APBA2: variants seen among roughly 807,000 people sequenced by gnomAD.
The protein encoded by APBA2 is amyloid-beta A4 precursor protein-binding family A member 2.
APBA2 carries 30 observed loss-of-function variants against 75.0 expected under a neutral mutation model. The ratio of observed to expected loss-of-function variants is 0.40; its 90% CI spans 0.30 to 0.54. The LOEUF (loss-of-function observed/expected upper bound fraction) is 0.54. Ranked by LOEUF, APBA2 falls within the 20% of genes least tolerant of loss-of-function variation. APBA2 has a pLI of 0.49. For synonymous variants in APBA2, 444 were observed against 409.6 expected (o/e 1.08, Z -1.01); for missense variants, 801 against 1,016.1 (o/e 0.79, Z 2.88).
intron 8 of APBA2, among the ~76,000 whole-genome samples, chr15:29,095,170 G>C (rs528225207): frequency 6.6e-6 from 1 of 152,228 alleles, no homozygotes; most frequent in Non-Finnish European, 1.5e-5. Context: ...GCTCACGCCT[G>C]TAATCCCAGC....
chr15:28,904,339 T>C (rs1199814441), intron 1 of APBA2, among the ~76,000 whole-genome samples: 1 of 152,204 alleles, frequency 6.6e-6, no homozygotes, highest in Non-Finnish European at 1.5e-5. Context: ...GCCATACGAG[T>C]TTGTCCTTTC....
In APBA2 at chr15:29,054,253, C is replaced by T. The variant is rs1566951119; in HGVS notation, c.369C>T (p.Ala123=). The change falls in exon 4 of 15, where the codon GCC becomes GCT. Residue 123 remains alanine (A), a synonymous_variant. Transcript: ENST00000683413. The surrounding 1 kb of genome is among the most constrained non-coding windows in gnomAD (Gnocchi z 6.1). ...GMDCNGEEYL[A]HSAHPVDTDE... The stretch of plus-strand genomic sequence containing the variant: ...ACTGCAACGGGGAGGAGTACCTGGC[C>T]CACAGTGCACACCCTGTGGACACTG... 1 of 1,614,116 alleles carries T rather than the reference C, an allele frequency of 6.2e-7. No individual in the cohort carries two copies.
At position 28,960,840 on chromosome 15, in the gene APBA2, A is replaced by G. The variant is rs568410824; in HGVS notation, c.-94-34913A>G. ...AGTGGTGTGATCTCGGCTCGCCGCA[A>G]CCTCCGCCTCCCAGGTTCAAATGAT... On this transcript the variant is annotated intron_variant, in intron 2 of 14. Transcript: ENST00000683413. Among the ~76,000 whole-genome samples the G allele has an allele frequency of 2.0e-5, 3 of 146,528 alleles. No individual in the cohort carries two copies. In the South Asian group the frequency reaches 6.8e-4, roughly 33 times the overall value.
rs376653540 is a variant in APBA2 at position 29,106,571 on chromosome 15, C to T, written c.1705-36C>T. On this transcript the variant is annotated intron_variant, in intron 11 of 14. Coordinates refer to ENST00000683413, the MANE Select transcript of APBA2 (RefSeq NM_001353788.2). ...TCCTTGGCAGAGGCCTCGGTCCTTG[C>T]CGCCAGCCCCTCTCACACTGCTGAT... The T allele has an allele frequency of 6.2e-6, 10 of 1,610,788 alleles. No individual in the cohort carries two copies. In the African/African-American group the frequency reaches 1.3e-4, roughly 22 times the overall value.
At chr15:28,939,256 T>G (rs375516313) in intron 2 of APBA2, among the ~76,000 whole-genome samples, 2 of 152,232 alleles carry the variant, frequency 1.3e-5, no homozygotes, top group South Asian at 2.1e-4. Flanking sequence ...GATCTGTTCT[T>G]CTGCTGCTGG....
chr15:29,032,516 G>A (rs1055006831), intron 3 of APBA2, among the ~76,000 whole-genome samples: 2 of 152,196 alleles, frequency 1.3e-5, no homozygotes, highest in African/African-American at 4.8e-5. Flanking sequence ...CCAATTCCTT[G>A]AAATAAATCT....
intron 3 of APBA2, among the ~76,000 whole-genome samples, chr15:29,025,131 T>G (rs1336428187): frequency 8.4e-6 from 1 of 119,528 alleles, no homozygotes; most frequent in Non-Finnish European, 1.5e-5. Context: ...CGTGGTTGTC[T>G]CATTAGCAAC....
chr15:29,115,665 G>T (rs933037527), intron 14 of APBA2, among the ~76,000 whole-genome samples: 4 of 152,204 alleles, frequency 2.6e-5, no homozygotes, highest in African/African-American at 9.7e-5. Flanking sequence ...AACATGAGTC[G>T]CTGATAAACA....
intron 13 of APBA2, among the ~76,000 whole-genome samples, chr15:29,111,914 C>G (rs567215854): frequency 6.6e-6 from 1 of 152,172 alleles, no homozygotes; most frequent in African/African-American, 2.4e-5. Context: ...CCAAGCCCCT[C>G]GTCCCTCACA....
chr15:28,975,696 A>G (rs2037299033), intron 2 of APBA2, among the ~76,000 whole-genome samples: 1 of 152,278 alleles, frequency 6.6e-6, no homozygotes, highest in South Asian at 2.1e-4. Context: ...GAGGGACACC[A>G]TAAGCAAAGT....
intron 13 of APBA2, among the ~76,000 whole-genome samples, chr15:29,112,127 T>C (rs1596005952): frequency 6.6e-6 from 1 of 152,192 alleles, no homozygotes; most frequent in Non-Finnish European, 1.5e-5. Context: ...TCGCCTGAAG[T>C]CCTAGCTCCA....
chr15:28,890,524 A>T lies in APBA2; in HGVS notation c.-205+4246A>T, dbSNP rs923096555. Among the ~76,000 whole-genome samples, 61 of 152,320 alleles carry T rather than the reference A, an allele frequency of 4.0e-4. 1 individual carries two copies. The highest frequency in any genetic ancestry group is 1.3e-3 in the African/African-American group (56 of 41,572). On this transcript the variant is annotated intron_variant, in intron 1 of 14. Coordinates refer to ENST00000683413, the MANE Select transcript of APBA2 (RefSeq NM_001353788.2). ...TCCCAGCCACTCTGCTTTACCTTCC[A>T]GAAGCCTCCGCCTGCCTGACTGTCT...
intron 2 of APBA2, among the ~76,000 whole-genome samples, chr15:28,964,320 G>A (rs1049664558): frequency 6.6e-6 from 1 of 152,108 alleles, no homozygotes; most frequent in African/African-American, 2.4e-5. Context: ...CCAGCATTTG[G>A]TGTTATCACT....
chr15:28,926,702 G>T (rs886363598), intron 2 of APBA2, among the ~76,000 whole-genome samples: 1 of 151,786 alleles, frequency 6.6e-6, no homozygotes, highest in East Asian at 1.9e-4. Context: ...TTATTTCAGG[G>T]TATATATTGC....
At chr15:28,970,282 T>C (rs976240518) in intron 2 of APBA2, 1 of 151,778 alleles carries the variant, frequency 6.6e-6, no homozygotes, top group Non-Finnish European at 1.5e-5. Flanking sequence ...AATATACATT[T>C]ATACAACGTA....
intron 14 of APBA2, among the ~76,000 whole-genome samples, chr15:29,116,576 C>T (rs547784146): frequency 8.7e-5 from 13 of 150,080 alleles, no homozygotes; most frequent in Admixed American, 8.6e-4. Context: ...TGCAGTGAGC[C>T]GAGATTGCAC....
rs2034129692 is a variant in APBA2 at position 28,924,137 on chromosome 15, G to C, written c.-95+2388G>C. 2.0e-5 allele frequency among the ~76,000 whole-genome samples: 3 copies of C among 152,256 alleles called. No homozygotes were observed. The South Asian group carries it at 6.2e-4, about 32-fold the overall frequency. On this transcript the variant is annotated intron_variant, in intron 2 of 14. Transcript: ENST00000683413. ...ACAGGACTTCAGTCCTTGCCTTCCC[G>C]AGTGCTGGCAGCCCTGGTGCTGTTG...
intron 2 of APBA2, among the ~76,000 whole-genome samples, chr15:28,985,003 C>A (rs764380349): frequency 2.0e-5 from 3 of 151,998 alleles, no homozygotes; most frequent in Non-Finnish European, 4.4e-5. Context: ...GGATGCAGAG[C>A]GGCTTGGATT....
chr15:29,083,130 A>C (rs1229414165), intron 6 of APBA2, among the ~76,000 whole-genome samples: 1 of 152,194 alleles, frequency 6.6e-6, no homozygotes, highest in Non-Finnish European at 1.5e-5. Flanking sequence ...TATTATTTTA[A>C]ATTATTTAAA....
Sources: gnomAD v4.1 joint callset for allele counts (sites outside exome capture counted in the v4.1 genomes callset) on GRCh38, gnomAD v4.1.1 for gene constraint, Gnocchi (gnomAD v3.1) non-coding constraint, MANE v1.5 for transcripts, NCBI Gene and HGNC (gene_info 2026-07-23, HGNC 2026-07-21) for gene names.